Variants in PLCB1 observed in about 807,000 individuals in gnomAD.
The protein encoded by PLCB1 is 1-phosphatidylinositol 4,5-bisphosphate phosphodiesterase beta-1.
PLCB1 carries 46 observed loss-of-function variants against 161.8 expected under a neutral mutation model. The ratio of observed to expected loss-of-function variants is 0.28; its 90% CI spans 0.22 to 0.36. PLCB1 has a LOEUF of 0.36. PLCB1 is among the 10% of genes least tolerant of loss of function. The pLI is 1.00. For synonymous variants in PLCB1, 517 were observed against 503.7 expected (o/e 1.03, Z -0.35); for missense variants, 1,016 against 1,472.5 (o/e 0.69, Z 5.07).
chr20:8,822,890 G>T (rs1451687088), intron 31 of PLCB1, among the ~76,000 whole-genome samples: 2 of 152,234 alleles, frequency 1.3e-5, no homozygotes, highest in East Asian at 3.9e-4. Flanking sequence ...GTATCCATGG[G>T]TTCCACATCC....
intron 3 of PLCB1, among the ~76,000 whole-genome samples, chr20:8,531,964 A>C (rs1984833066): frequency 6.6e-6 from 1 of 152,134 alleles, no homozygotes; most frequent in South Asian, 2.1e-4. Flanking sequence ...ATAGCAATGT[A>C]AAAATGATAG....
chr20:8,644,993 T>C (rs1252833715), intron 4 of PLCB1, among the ~76,000 whole-genome samples: 1 of 152,216 alleles, frequency 6.6e-6, no homozygotes, highest in Non-Finnish European at 1.5e-5. Flanking sequence ...AGAAAAATTC[T>C]TATCCTGTTG....
At chr20:8,183,713 C>T (rs1272310148) in intron 2 of PLCB1, among the ~76,000 whole-genome samples, 1 of 152,098 alleles carries the variant, frequency 6.6e-6, no homozygotes, top group Non-Finnish European at 1.5e-5. Flanking sequence ...TATGAATGTC[C>T]GTCTCCAGGG....
At chr20:8,334,827 C>T (rs1257573935) in intron 2 of PLCB1, among the ~76,000 whole-genome samples, 1 of 152,184 alleles carries the variant, frequency 6.6e-6, no homozygotes, top group African/African-American at 2.4e-5. Context: ...CCAGACCTAC[C>T]TCTGCCCCAT....
rs145581916 is a variant in PLCB1, at chr20:8,457,714, G to GCACACACACA, written c.246+86288_246+86297dup. ...CTACTTATACCCCTAATGTGTGCGC[G>GCACACACACA]CACACACACACACACACACACACAC... On this transcript the variant is annotated intron_variant, in intron 3 of 31. Coordinates refer to ENST00000338037, the MANE Select transcript of PLCB1 (RefSeq NM_015192.4). 5.1e-3 allele frequency among the ~76,000 whole-genome samples: 746 copies of GCACACACACA among 145,850 alleles called. 3 individuals carry two copies. The highest frequency in any genetic ancestry group is 0.011 in the African/African-American group (440 of 39,278).
intron 15 of PLCB1, among the ~76,000 whole-genome samples, chr20:8,723,559 A>G (rs1979765022): frequency 6.6e-6 from 1 of 152,200 alleles, no homozygotes; most frequent in Non-Finnish European, 1.5e-5. Context: ...ATAGCTAATA[A>G]TAGCAAAAGC....
intron 2 of PLCB1, among the ~76,000 whole-genome samples, chr20:8,295,886 AT>A (rs948150175): frequency 6.6e-6 from 1 of 151,524 alleles, no homozygotes; most frequent in African/African-American, 2.4e-5. Flanking sequence ...ATTTTTTTCT[AT>A]TTTTTTGTAG....
intron 4 of PLCB1, among the ~76,000 whole-genome samples, chr20:8,629,984 TTC>T: frequency 2.7e-5 from 2 of 72,880 alleles, no homozygotes; most frequent in Admixed American, 1.8e-4. Context: ...CTTTCTTTCT[TTC>T]TTTCTTTCTT....
chr20:8,187,327 C>T (rs2051916315), intron 2 of PLCB1, among the ~76,000 whole-genome samples: 1 of 152,106 alleles, frequency 6.6e-6, no homozygotes, highest in African/African-American at 2.4e-5. Flanking sequence ...TCCTTTCTTC[C>T]CCTTTCCCAT....
intron 27 of PLCB1, among the ~76,000 whole-genome samples, chr20:8,781,853 C>A (rs896442666): frequency 6.6e-6 from 1 of 152,140 alleles, no homozygotes; most frequent in African/African-American, 2.4e-5. Context: ...ATCACAAGAA[C>A]AGCACAGGAA....
At chr20:8,843,359 C>A (rs1192414250) in intron 31 of PLCB1, among the ~76,000 whole-genome samples, 13 of 152,158 alleles carry the variant, frequency 8.5e-5, no homozygotes, top group Non-Finnish European at 2.9e-5. Flanking sequence ...AAGTTAGGAT[C>A]TCCTGGCTTT....
chr20:8,732,785 AAAT>A (rs1980335591), intron 18 of PLCB1, among the ~76,000 whole-genome samples: 1 of 78,220 alleles, frequency 1.3e-5, no homozygotes, highest in Admixed American at 1.1e-4. Flanking sequence ...AGAATAATAT[AAAT>A]AATATATCTA....
chr20:8,445,988 G>A lies in PLCB1; in HGVS notation c.246+74538G>A, dbSNP rs571265552. Among the ~76,000 whole-genome samples the A allele has an allele frequency of 1.1e-4, 16 of 152,300 alleles. No individual in the cohort carries two copies. The South Asian group carries it at 3.3e-3, about 32-fold the overall frequency. On this transcript the variant is annotated intron_variant, in intron 3 of 31. Transcript: ENST00000338037. ...AATTCTACCAGAGGTACAAGGAGGAGCTGGTCCCATTCCTTCTGAAATTAT... is the reference window on the plus strand; with the variant it reads ...AATTCTACCAGAGGTACAAGGAGGAACTGGTCCCATTCCTTCTGAAATTAT...
rs41275582 is a variant in PLCB1 at position 8,646,212 on chromosome 20, G to T, written c.464+31G>T. The T allele has an allele frequency of 0.16, 224,904 of 1,409,744 alleles. 19,177 individuals are homozygous for T. The highest frequency in any genetic ancestry group is 0.17 in the Non-Finnish European group (170,912 of 993,584). 87.3% of individuals were successfully genotyped at this position (1,409,744 alleles called of 1,614,324 possible). A position where few individuals can be genotyped will look rare whatever the true frequency, so the allele number is the denominator to read the frequency against. ...TCACTCTAATTTTATTGCTAAGGGC[G>T]TTGCTTCTTCTGAGTCAGTTTCCTT... is the stretch of plus-strand genomic sequence containing the variant. On this transcript the variant is annotated intron_variant, in intron 5 of 31. Coordinates refer to ENST00000338037, the MANE Select transcript of PLCB1 (RefSeq NM_015192.4).
intron 3 of PLCB1, among the ~76,000 whole-genome samples, chr20:8,397,700 C>T (rs1330997342): frequency 6.6e-6 from 1 of 152,148 alleles, no homozygotes. Context: ...GTCTTTCTTA[C>T]ACAAAATGTA....
chr20:8,321,861 G>T (rs1217890539), intron 2 of PLCB1, among the ~76,000 whole-genome samples: 1 of 152,150 alleles, frequency 6.6e-6, no homozygotes, highest in African/African-American at 2.4e-5. Context: ...TTGGCATGCA[G>T]TATATACTGC....
intron 24 of PLCB1, among the ~76,000 whole-genome samples, chr20:8,758,887 C>T (rs1399285544): frequency 6.6e-6 from 1 of 152,170 alleles, no homozygotes; most frequent in Admixed American, 6.5e-5. Flanking sequence ...CTAAAGTTAA[C>T]ATCTCACGGG....
chr20:8,652,971 C>G (rs55772601), intron 7 of PLCB1: 1 of 152,020 alleles, frequency 6.6e-6, no homozygotes, highest in African/African-American at 2.4e-5. Context: ...GAAAACTGTT[C>G]CGTGTTCAAA....
intron 3 of PLCB1, among the ~76,000 whole-genome samples, chr20:8,564,051 A>G (rs558252351): frequency 6.6e-6 from 1 of 152,152 alleles, no homozygotes; most frequent in African/African-American, 2.4e-5. Context: ...AATCCTAAGC[A>G]AAAAGAACAA....
Sources: gnomAD v4.1 joint callset for allele counts (sites outside exome capture counted in the v4.1 genomes callset) on GRCh38, gnomAD v4.1.1 for gene constraint, MANE v1.5 for transcripts, NCBI Gene and HGNC (gene_info 2026-07-23, HGNC 2026-07-21) for gene names.